Variants in RAP1GDS1 observed in about 807,000 individuals in gnomAD.
RAP1GDS1 encodes Rap1 GTPase-GDP dissociation stimulator 1.
A neutral mutation model predicts 71.1 loss-of-function variants in RAP1GDS1; 35 were observed. That is an observed-to-expected ratio of 0.49 (90% CI 0.38 to 0.65). RAP1GDS1 has a LOEUF of 0.65. Ranked by LOEUF, RAP1GDS1 falls within the 30% of genes least tolerant of loss-of-function variation. RAP1GDS1 has a pLI of 0.00. For missense variants in RAP1GDS1, 663 were observed against 706.1 expected (o/e 0.94, Z 0.69); for synonymous variants, 229 against 243.1 (o/e 0.94, Z 0.54).
chr4:98,381,844 A>G (rs1274669206), intron 5 of RAP1GDS1, among the ~76,000 whole-genome samples: 1 of 151,562 alleles, frequency 6.6e-6, no homozygotes, highest in East Asian at 1.9e-4. Context: ...TATAAAAAAA[A>G]AGTACTGAGA....
chr4:98,263,927 G>GT (rs1244153018), intron 1 of RAP1GDS1, among the ~76,000 whole-genome samples: 2 of 152,104 alleles, frequency 1.3e-5, no homozygotes, highest in Non-Finnish European at 2.9e-5. Flanking sequence ...TGGTAAGGCA[G>GT]TTTCATGTAT....
intron 1 of RAP1GDS1, among the ~76,000 whole-genome samples, chr4:98,263,260 G>A (rs1463018147): frequency 6.6e-6 from 1 of 152,064 alleles, no homozygotes; most frequent in African/African-American, 2.4e-5. Flanking sequence ...TTCAAGTTTG[G>A]CTTGCAAAAT....
At chr4:98,326,421 T>A (rs1003707024) in intron 2 of RAP1GDS1, among the ~76,000 whole-genome samples, 2 of 152,176 alleles carry the variant, frequency 1.3e-5, no homozygotes, top group African/African-American at 4.8e-5. Flanking sequence ...TTGAACCTCA[T>A]TCGATAACTG....
intron 2 of RAP1GDS1, among the ~76,000 whole-genome samples, chr4:98,321,196 T>G (rs2110340772): frequency 7.2e-6 from 1 of 139,346 alleles, no homozygotes; most frequent in South Asian, 2.4e-4. Flanking sequence ...ATGAATGAAA[T>G]GAAGCGAGAA....
intron 14 of RAP1GDS1, among the ~76,000 whole-genome samples, chr4:98,439,241 T>G (rs769474391): frequency 6.6e-6 from 1 of 152,208 alleles, no homozygotes; most frequent in Non-Finnish European, 1.5e-5. Context: ...TGAAAACTAT[T>G]GTGCCACTTT....
intron 4 of RAP1GDS1, among the ~76,000 whole-genome samples, chr4:98,372,846 G>A (rs1740596411): frequency 6.6e-6 from 1 of 151,918 alleles, no homozygotes; most frequent in African/African-American, 2.4e-5. Context: ...CACAATGCCT[G>A]GCTAATTTCT....
rs559837379 is a variant in RAP1GDS1, at chr4:98,377,217, C to G, written c.362-1800C>G. Among the ~76,000 whole-genome samples the G allele has an allele frequency of 4.6e-5, 7 of 151,988 alleles. No homozygotes were observed. The South Asian group carries it at 6.2e-4, about 14-fold the overall frequency. On this transcript the variant is annotated intron_variant, in intron 4 of 14. Transcript: ENST00000408927. Reference sequence around the variant, plus strand: ...TTTACTCAGGAATTAGAATCAAATACTATTCGAGCTTTGCAATTTAGGATG... The same window carrying G: ...TTTACTCAGGAATTAGAATCAAATAGTATTCGAGCTTTGCAATTTAGGATG...
chr4:98,317,953 G>A lies in RAP1GDS1; in HGVS notation c.112+24438G>A, dbSNP rs183350551. ...TGCCTCCTGGGTTCAACTGATTCTCGTGCCTCAGCTTCCTCAGTAGCTGGA... is the reference window on the plus strand; with the variant it reads ...TGCCTCCTGGGTTCAACTGATTCTCATGCCTCAGCTTCCTCAGTAGCTGGA... On this transcript the variant is annotated intron_variant, in intron 2 of 14. Transcript: ENST00000408927. Among the ~76,000 whole-genome samples, 189 of 149,850 alleles carry A rather than the reference G, an allele frequency of 1.3e-3. 1 individual carries two copies. Among genetic ancestry groups the A allele is most frequent in the Middle Eastern group, 3.4e-3 (1 of 292 alleles).
intron 2 of RAP1GDS1, among the ~76,000 whole-genome samples, chr4:98,316,449 G>A (rs1307546621): frequency 6.6e-6 from 1 of 152,126 alleles, no homozygotes; most frequent in Non-Finnish European, 1.5e-5. Context: ...TTAAAGAGCA[G>A]TGGAAATTAT....
At chr4:98,275,669 A>G (rs554703188) in intron 1 of RAP1GDS1, among the ~76,000 whole-genome samples, 3 of 152,280 alleles carry the variant, frequency 2.0e-5, no homozygotes, top group East Asian at 1.9e-4. Context: ...AATTCTTGCT[A>G]TAGAGTAGTG....
chr4:98,380,188 C>G (rs1741794005), intron 5 of RAP1GDS1, among the ~76,000 whole-genome samples: 1 of 151,456 alleles, frequency 6.6e-6, no homozygotes, highest in South Asian at 2.1e-4. Flanking sequence ...GTTGAAGAGC[C>G]CTTGTCCTAT....
At chr4:98,397,784 A>T (rs1272061099) in intron 6 of RAP1GDS1, among the ~76,000 whole-genome samples, 5 of 152,166 alleles carry the variant, frequency 3.3e-5, no homozygotes, top group Non-Finnish European at 7.3e-5. Flanking sequence ...AGGATGGACG[A>T]AAAAGAGGGT....
chr4:98,285,168 A>G (rs1393199393), intron 1 of RAP1GDS1, among the ~76,000 whole-genome samples: 1 of 152,202 alleles, frequency 6.6e-6, no homozygotes, highest in Non-Finnish European at 1.5e-5. Context: ...TGAGCAATAG[A>G]TTGCTATTGA....
intron 1 of RAP1GDS1, among the ~76,000 whole-genome samples, chr4:98,276,592 T>TA (rs2110241694): frequency 6.6e-6 from 1 of 152,242 alleles, no homozygotes; most frequent in Non-Finnish European, 1.5e-5. Context: ...TTCATTTTGT[T>TA]ACTTTGAATA....
intron 3 of RAP1GDS1, among the ~76,000 whole-genome samples, chr4:98,345,950 A>G (rs1324532433): frequency 6.6e-6 from 1 of 152,114 alleles, no homozygotes; most frequent in Non-Finnish European, 1.5e-5. Context: ...GCAAAAGTTG[A>G]ACTGCTTTAT....
intron 1 of RAP1GDS1, among the ~76,000 whole-genome samples, chr4:98,264,021 T>A (rs1722381687): frequency 6.6e-6 from 1 of 152,196 alleles, no homozygotes; most frequent in Non-Finnish European, 1.5e-5. Flanking sequence ...GTATAACAAT[T>A]CATGTACACA....
intron 5 of RAP1GDS1, among the ~76,000 whole-genome samples, chr4:98,391,616 C>A (rs1466628215): frequency 2.0e-5 from 3 of 151,998 alleles, no homozygotes; most frequent in Non-Finnish European, 4.4e-5. Flanking sequence ...AAATTTTTCA[C>A]TCAAAAACTA....
intron 2 of RAP1GDS1, among the ~76,000 whole-genome samples, chr4:98,325,847 C>T (rs1190201274): frequency 6.7e-6 from 1 of 150,308 alleles, no homozygotes; most frequent in East Asian, 2.0e-4. Context: ...GGGTGCAGCG[C>T]ACCAGCATGG....
intron 4 of RAP1GDS1, among the ~76,000 whole-genome samples, chr4:98,355,290 T>C (rs1438495289): frequency 1.3e-5 from 2 of 152,230 alleles, no homozygotes; most frequent in African/African-American, 4.8e-5. Context: ...TTGTGATCAA[T>C]ACAAAGAATC....
Sources: gnomAD v4.1 joint callset for allele counts (sites outside exome capture counted in the v4.1 genomes callset) on GRCh38, gnomAD v4.1.1 for gene constraint, MANE v1.5 for transcripts, NCBI Gene and HGNC (gene_info 2026-07-23, HGNC 2026-07-21) for gene names.